Variants in FGF14 observed in about 807,000 individuals in gnomAD.
FGF14 encodes fibroblast growth factor homologous factor 4.
FGF14 carries 5 observed loss-of-function variants against 25.5 expected under a neutral mutation model. The observed-to-expected ratio is 0.20, with a 90% CI of 0.10 to 0.41. The LOEUF (loss-of-function observed/expected upper bound fraction) is 0.41, where lower values mean the gene tolerates loss of function less well. Among genes scored for constraint, FGF14 ranks in the 10% least tolerant of loss-of-function variants. The probability of loss-of-function intolerance (pLI) is 1.00; values close to 1 mark genes in which losing one functional copy is unlikely to be tolerated. For synonymous variants in FGF14, 138 were observed against 118.3 expected, an observed-to-expected ratio of 1.17 and a Z score of -1.08; for missense variants, 222 against 320.1, an observed-to-expected ratio of 0.69 and a Z score of 2.34.
chr13:102,039,457 A>G (rs571957003), intron 1 of FGF14, among the ~76,000 whole-genome samples: 5 of 152,114 alleles, frequency 3.3e-5, no homozygotes, highest in African/African-American at 4.8e-5. Context: ...AGGGGCCAGC[A>G]GGTTGGTCCT....
At chr13:102,196,952 T>TTTCG (rs2049383391) in intron 1 of FGF14, among the ~76,000 whole-genome samples, 2 of 129,884 alleles carry the variant, frequency 1.5e-5, no homozygotes, top group African/African-American at 6.8e-5. Flanking sequence ...GATTTTGTTT[T>TTTCG]TTTGGTTTTT....
At chr13:101,836,735 T>C (rs922664393) in intron 3 of FGF14, among the ~76,000 whole-genome samples, 1 of 152,068 alleles carries the variant, frequency 6.6e-6, no homozygotes, top group African/African-American at 2.4e-5. Context: ...TAATTTCTAG[T>C]ATTTATGATT....
intron 1 of FGF14, among the ~76,000 whole-genome samples, chr13:102,345,482 T>C (rs956443589): frequency 2.0e-5 from 3 of 152,258 alleles, no homozygotes; most frequent in African/African-American, 7.2e-5. Context: ...CCTATCTTTT[T>C]TTCCATTCTT....
At chr13:102,291,752 C>T (rs918510232) in intron 1 of FGF14, among the ~76,000 whole-genome samples, 1 of 151,990 alleles carries the variant, frequency 6.6e-6, no homozygotes, top group Non-Finnish European at 1.5e-5. Context: ...CCAGCAGCTA[C>T]GTACACCTGA....
In FGF14 at chr13:101,812,626, TATATATA is replaced by T. The variant is rs2041589360; in HGVS notation, c.408+56092_408+56098del. On this transcript the variant is annotated intron_variant, in intron 3 of 4. Coordinates refer to ENST00000376143, the MANE Select transcript of FGF14 (RefSeq NM_004115.4). Reference sequence around the variant, plus strand: ...ATTTTTAAAACTATATATATATATATATATATATATATATATATATATATATATTTTT... The same window carrying T: ...ATTTTTAAAACTATATATATATATATTATATATATATATATATATATTTTT... 3.0e-4 allele frequency among the ~76,000 whole-genome samples: 3 copies of T among 9,866 alleles called. 1 individual carries two copies. The highest frequency in any genetic ancestry group is 7.9e-4 in the Non-Finnish European group (3 of 3,778). 6.5% of individuals were successfully genotyped at this position (9,866 alleles called of 152,430 possible).
At chr13:101,932,170 G>A (rs1454803020) in intron 1 of FGF14, among the ~76,000 whole-genome samples, 1 of 152,182 alleles carries the variant, frequency 6.6e-6, no homozygotes, top group Admixed American at 6.5e-5. Flanking sequence ...TTTAGTGGAA[G>A]ACAGTCTTGC....
intron 1 of FGF14, among the ~76,000 whole-genome samples, chr13:102,338,455 A>T (rs1251442728): frequency 2.6e-5 from 4 of 152,182 alleles, no homozygotes; most frequent in African/African-American, 9.7e-5. Context: ...CCCAACCAAA[A>T]ATGATCTGGC....
intron 3 of FGF14, among the ~76,000 whole-genome samples, chr13:101,789,407 TC>T (rs2040102658): frequency 6.6e-6 from 1 of 152,160 alleles, no homozygotes; most frequent in African/African-American, 2.4e-5. Context: ...TCCAGGTTAG[TC>T]CTGTGAGATT....
intron 1 of FGF14, among the ~76,000 whole-genome samples, chr13:102,396,548 A>G (rs2058588800): frequency 6.6e-6 from 1 of 152,222 alleles, no homozygotes; most frequent in Non-Finnish European, 1.5e-5. Flanking sequence ...TTGTGTTGCT[A>G]AAACATGGAA....
chr13:102,068,776 G>A (rs2043019443), intron 1 of FGF14, among the ~76,000 whole-genome samples: 2 of 152,212 alleles, frequency 1.3e-5, no homozygotes, highest in African/African-American at 2.4e-5. Context: ...GGGCTCCTGT[G>A]CGGCCCGAGC....
intron 1 of FGF14, among the ~76,000 whole-genome samples, chr13:102,178,234 G>A (rs1041336191): frequency 1.3e-5 from 2 of 152,098 alleles, no homozygotes; most frequent in East Asian, 1.9e-4. Context: ...GGCTCAGGAG[G>A]TTGCAAAACC....
At chr13:101,986,522 T>C (rs1324512678) in intron 1 of FGF14, among the ~76,000 whole-genome samples, 1 of 151,902 alleles carries the variant, frequency 6.6e-6, no homozygotes. Flanking sequence ...AGAAAAAGAG[T>C]GTTCTGAGTC....
Position 102,278,627 on chromosome 13 carries a change from A to AATATATAT in FGF14, c.208+122836_208+122843dup, listed in dbSNP as rs10578533. On this transcript the variant is annotated intron_variant, in intron 1 of 4. Transcript: ENST00000376131. ...GTGTCACTCTACATACATTTTATGTAATATATATATATATATATACATACA... is the reference window on the plus strand; with the variant it reads ...GTGTCACTCTACATACATTTTATGTAATATATATATATATATATATATATATACATACA... Among the ~76,000 whole-genome samples, 1,448 of 147,482 alleles carry AATATATAT rather than the reference A, an allele frequency of 9.8e-3. 15 individuals are homozygous for AATATATAT. Among genetic ancestry groups the AATATATAT allele is most frequent in the East Asian group, 0.022 (108 of 4,986 alleles).
At chr13:101,970,411 T>G (rs1034551117) in intron 1 of FGF14, among the ~76,000 whole-genome samples, 1 of 152,186 alleles carries the variant, frequency 6.6e-6, no homozygotes, top group African/African-American at 2.4e-5. Flanking sequence ...ATCCCCTGAG[T>G]GACTTTTCAG....
chr13:101,992,861 AT>A (rs1363871191), intron 1 of FGF14, among the ~76,000 whole-genome samples: 1 of 152,036 alleles, frequency 6.6e-6, no homozygotes, highest in African/African-American at 2.4e-5. Flanking sequence ...TACCTTACAC[AT>A]TTTTGGAATA....
chr13:101,765,346 C>T (rs1159422859), intron 3 of FGF14, among the ~76,000 whole-genome samples: 1 of 152,160 alleles, frequency 6.6e-6, no homozygotes, highest in African/African-American at 2.4e-5. Flanking sequence ...CAGACCCTTG[C>T]TTGGCTGCAA....
intron 1 of FGF14, among the ~76,000 whole-genome samples, chr13:101,911,801 G>A (rs2032965268): frequency 6.6e-6 from 1 of 152,016 alleles, no homozygotes; most frequent in South Asian, 2.1e-4. Context: ...GTTAGCAACA[G>A]GTATTAATAT....
chr13:102,040,509 C>T (rs1176327001), intron 1 of FGF14, among the ~76,000 whole-genome samples: 2 of 152,152 alleles, frequency 1.3e-5, no homozygotes, highest in African/African-American at 2.4e-5. Flanking sequence ...TGAGCCCTGA[C>T]TTACACATCT....
chr13:102,069,507 G>A (rs2043064463), intron 1 of FGF14, among the ~76,000 whole-genome samples: 1 of 152,080 alleles, frequency 6.6e-6, no homozygotes, highest in Non-Finnish European at 1.5e-5. Context: ...CACTCTTTGG[G>A]TCCACGCTGC....
Sources: allele counts gnomAD v4.1 joint callset (sites outside exome capture counted in the v4.1 genomes callset), GRCh38; gene constraint gnomAD v4.1.1; transcripts MANE v1.5; gene names NCBI Gene and HGNC (gene_info 2026-07-23, HGNC 2026-07-21).